Variants in XIST observed in about 807,000 individuals in gnomAD.
XIST encodes X inactive specific transcript, also known as X inactive specific transcript (non-protein coding).
chrX:73,842,744 G>GTT (rs1922627288), exon 1 of XIST: 1 of 556,335 alleles, frequency 1.8e-6, no homozygotes, highest in African/African-American at 2.2e-5. Flanking sequence ...ACTGAGAATT[G>GTT]TTTAAGTCCA....
chrX:73,849,066 TG>T, exon 1 of XIST: 1 of 559,041 alleles, frequency 1.8e-6, no homozygotes, highest in Non-Finnish European at 3.2e-6. Context: ...TATGGATAAT[TG>T]GGATTTTACT....
At chrX:73,831,097 A>T (rs1569511862) in exon 4 of XIST, 1 of 558,204 alleles carries the variant, frequency 1.8e-6, no homozygotes, top group Non-Finnish European at 3.2e-6. Flanking sequence ...TTGAGACTTT[A>T]TCTTCCTATC....
In XIST at chrX:73,825,512, A is replaced by T. The variant is rs1434037177; in HGVS notation, n.14389T>A. The T allele has an allele frequency of 7.8e-6, 4 of 514,524 alleles. No homozygotes were observed. The Admixed American group carries it at 1.1e-4, about 14-fold the overall frequency. The allele number at this position is 514,524 out of a possible 1,213,427, so 42.4% of individuals were successfully genotyped here. ...GTGCCTAGCACAGGGACAGGCACAGAAAAGGAAACTAGTAGTATTCAGAAA... is the reference window on the plus strand; with the variant it reads ...GTGCCTAGCACAGGGACAGGCACAGTAAAGGAAACTAGTAGTATTCAGAAA... On this transcript the variant is annotated non_coding_transcript_exon_variant, in exon 6 of 6. Transcript: ENST00000429829.
At chrX:73,837,442 A>T in exon 2 of XIST, 1 of 495,729 alleles carries the variant, frequency 2.0e-6, no homozygotes, top group South Asian at 2.8e-5. Flanking sequence ...GTCATTACCA[A>T]GAGGAGCCTA....
exon 1 of XIST, chrX:73,846,061 C>T (rs765481039): frequency 3.6e-6 from 2 of 557,458 alleles, no homozygotes; most frequent in East Asian, 6.5e-5. Context: ...ACGTAAGCGT[C>T]TTATGGAGAG....
At chrX:73,838,935 C>G (rs912159481) in intron 1 of XIST, among the ~76,000 whole-genome samples, 2 of 111,658 alleles carry the variant, frequency 1.8e-5, no homozygotes, top group African/African-American at 6.5e-5. Flanking sequence ...CACATCATTA[C>G]TCTTTGCCAT....
exon 1 of XIST, chrX:73,845,613 A>G (rs1187874756): frequency 1.8e-6 from 1 of 556,475 alleles, no homozygotes; most frequent in Admixed American, 2.2e-5. Context: ...TTGGTGATTC[A>G]GTACCCCTGC....
exon 6 of XIST, chrX:73,821,185 G>T (rs1339179859): frequency 9.0e-6 from 5 of 555,967 alleles, no homozygotes; most frequent in Non-Finnish European, 1.6e-5. Context: ...AACTAAAAAT[G>T]TACAGAATGA....
exon 1 of XIST, chrX:73,845,679 G>A: frequency 1.8e-6 from 1 of 556,948 alleles, no homozygotes; most frequent in Non-Finnish European, 3.2e-6. Context: ...TGGGCCATGT[G>A]CAGTTACGCA....
At chrX:73,847,420 A>G (rs1341384191) in exon 1 of XIST, 2 of 503,832 alleles carry the variant, frequency 4.0e-6, no homozygotes, top group Non-Finnish European at 7.1e-6. Context: ...TTTTTTTTTA[A>G]TGTTGGCCAG....
At chrX:73,847,895 T>C (rs940002510) in exon 1 of XIST, 4 of 557,364 alleles carry the variant, frequency 7.2e-6, no homozygotes, top group South Asian at 4.5e-5. Context: ...AGGTAATTAA[T>C]ATCCCTTGCT....
At chrX:73,846,677 T>G in exon 1 of XIST, 5 of 558,824 alleles carry the variant, frequency 8.9e-6, no homozygotes, top group Non-Finnish European at 1.6e-5. Flanking sequence ...AAAGTGGGGA[T>G]GAGGGGAGCA....
chrX:73,823,305 CTTTCTT>C, exon 6 of XIST: 5 of 435,441 alleles, frequency 1.1e-5, no homozygotes, highest in East Asian at 3.9e-5. Context: ...TTGCATTTTT[CTTTCTT>C]TTTTTTTTTT....
At chrX:73,846,562 C>T (rs749957837) in exon 1 of XIST, 18 of 557,294 alleles carry the variant, frequency 3.2e-5, no homozygotes, top group South Asian at 2.7e-4. Flanking sequence ...TGTGCGATTA[C>T]GCACATAAAT....
At chrX:73,842,155 C>T (rs1484091634) in exon 1 of XIST, 3 of 511,899 alleles carry the variant, frequency 5.9e-6, no homozygotes, top group Non-Finnish European at 1.0e-5. Context: ...CCCTACAATC[C>T]AGATGTCTTT....
At chrX:73,826,093 C>T (rs1440778938) in exon 6 of XIST, 1 of 559,145 alleles carries the variant, frequency 1.8e-6, no homozygotes. Context: ...CTAGAAATCC[C>T]AAACCCCAGA....
At chrX:73,824,972 TCATTCATC>T in exon 6 of XIST, 1 of 522,161 alleles carries the variant, frequency 1.9e-6, no homozygotes, top group Non-Finnish European at 3.4e-6. Flanking sequence ...CACTTAATAT[TCATTCATC>T]CATTCATTCA....
At chrX:73,842,437 G>A (rs1423601402) in exon 1 of XIST, 1 of 547,621 alleles carries the variant, frequency 1.8e-6, no homozygotes, top group Non-Finnish European at 3.3e-6. Flanking sequence ...TAACACAGGT[G>A]GGCAAGAATG....
At chrX:73,831,444 C>CA (rs5902721) in intron 3 of XIST, 12,161 of 234,241 alleles carry the variant, frequency 0.052, 8 homozygotes, top group East Asian at 0.071. Flanking sequence ...ACCAACTTAG[C>CA]AAAAAAAAAA....
Sources: allele counts gnomAD v4.1 joint callset (sites outside exome capture counted in the v4.1 genomes callset), GRCh38; gene constraint gnomAD v4.1.1; transcripts MANE v1.5; gene names NCBI Gene and HGNC (gene_info 2026-07-23, HGNC 2026-07-21).